Variants in ARHGEF18 observed in about 807,000 individuals in gnomAD.
ARHGEF18 encodes Rho/Rac guanine nucleotide exchange factor 18, also known as rho guanine nucleotide exchange factor 18.
ARHGEF18 carries 93 observed loss-of-function variants against 155.7 expected under a neutral mutation model. The ratio of observed to expected loss-of-function variants is 0.60; its 90% CI spans 0.50 to 0.71. The LOEUF is 0.71. ARHGEF18 is among the 30% of genes least tolerant of loss of function. ARHGEF18 has a pLI of 0.00. For synonymous variants in ARHGEF18, 742 were observed against 753.1 expected (o/e 0.99, Z 0.24); for missense variants, 1,593 against 1,816.1 (o/e 0.88, Z 2.23).
chr19:7,399,324 C>T (rs190988938), intron 10 of ARHGEF18, among the ~76,000 whole-genome samples: 1 of 152,030 alleles, frequency 6.6e-6, no homozygotes, highest in East Asian at 1.9e-4. Context: ...CAGTTGTTCT[C>T]ATTTTTGTGA....
intron 3 of ARHGEF18, among the ~76,000 whole-genome samples, chr19:7,375,410 GAAAA>G (rs1970411279): frequency 1.0e-5 from 1 of 99,870 alleles, no homozygotes; most frequent in Non-Finnish European, 2.4e-5. Flanking sequence ...AAGGAAGGAA[GAAAA>G]GGAAGGAAGA....
chr19:7,424,077 AGTGCAATGGC>A (rs2145690494), intron 10 of ARHGEF18, among the ~76,000 whole-genome samples: 1 of 33,734 alleles, frequency 3.0e-5, no homozygotes, highest in South Asian at 1.5e-3. Flanking sequence ...CAGGCTGGAC[AGTGCAATGGC>A]GTGATCTCGG....
downstream of ARHGEF18, among the ~76,000 whole-genome samples, chr19:7,473,891 G>C (rs1977146594): frequency 6.6e-6 from 1 of 151,882 alleles, no homozygotes; most frequent in Non-Finnish European, 1.5e-5. Flanking sequence ...GCCAAGGCAG[G>C]AGGATTGCTT....
At chr19:7,466,836 A>AAGAAG (rs1555729791) in intron 23 of ARHGEF18, 82 bp from the exon 24 acceptor site, 16 of 1,094,848 alleles carry the variant, frequency 1.5e-5, no homozygotes, top group Admixed American at 2.4e-5. Flanking sequence ...AGTTAAAAAA[A>AAGAAG]AAGAAGAAGA....
At chr19:7,432,441 C>T (rs1315673406) in intron 10 of ARHGEF18, among the ~76,000 whole-genome samples, 4 of 152,160 alleles carry the variant, frequency 2.6e-5, no homozygotes, top group Admixed American at 6.5e-5. Context: ...GCCTTGAAAC[C>T]GAGGTGCTTG....
chr19:7,381,513 A>G (rs749308148), intron 8 of ARHGEF18, among the ~76,000 whole-genome samples: 5 of 151,960 alleles, frequency 3.3e-5, no homozygotes, highest in Non-Finnish European at 5.9e-5. Context: ...CCCAATCTCT[A>G]CTAAAAATAC....
intron 10 of ARHGEF18, among the ~76,000 whole-genome samples, chr19:7,384,172 T>C (rs1970877957): frequency 6.6e-6 from 1 of 152,144 alleles, no homozygotes; most frequent in South Asian, 2.1e-4. Context: ...CTGTCAACAT[T>C]TGGGGCCAGG....
At chr19:7,439,485 T>A (rs148722453) in intron 10 of ARHGEF18, among the ~76,000 whole-genome samples, 126 of 152,166 alleles carry the variant, frequency 8.3e-4, no homozygotes, top group African/African-American at 2.5e-3. Flanking sequence ...AGTTGCATCT[T>A]TCCATGAGTA....
chr19:7,432,207 C>T lies in ARHGEF18; in HGVS notation c.968-8137C>T, dbSNP rs528654468. 9.2e-5 allele frequency among the ~76,000 whole-genome samples: 14 copies of T among 152,122 alleles called. No homozygotes were observed. The South Asian group carries it at 2.5e-3, about 27-fold the overall frequency. On this transcript the variant is annotated intron_variant, in intron 10 of 28. Coordinates refer to ENST00000668164, the MANE Select transcript of ARHGEF18 (RefSeq NM_001367823.1). ...TCGATTTAGTCTATTCCCAGGTGGC[C>T]GAAAAGGCAGGAACTGTGAACTGAA... is the stretch of plus-strand genomic sequence containing the variant.
intron 17 of ARHGEF18, 144 bp from the exon 18 acceptor site, chr19:7,456,183 G>A: frequency 1.3e-6 from 1 of 754,676 alleles, no homozygotes; most frequent in Non-Finnish European, 2.4e-6. Flanking sequence ...GGGGGTGCAG[G>A]CAAGGCAGAA....
chr19:7,411,927 T>G (rs1213296176), intron 10 of ARHGEF18, among the ~76,000 whole-genome samples: 1 of 152,196 alleles, frequency 6.6e-6, no homozygotes, highest in African/African-American at 2.4e-5. Flanking sequence ...GTGTCAGAAC[T>G]TCCTTCTTAA....
At chr19:7,451,125 A>C (rs74535276) in intron 15 of ARHGEF18, 24 bp from the exon 16 acceptor site, 18 of 1,452,570 alleles carry the variant, frequency 1.2e-5, no homozygotes, top group Non-Finnish European at 1.6e-5. Context: ...ATGTTAATAC[A>C]GGATCTTGCT....
intron 10 of ARHGEF18, among the ~76,000 whole-genome samples, chr19:7,405,422 G>A (rs1972252211): frequency 6.6e-6 from 1 of 152,098 alleles, no homozygotes; most frequent in Non-Finnish European, 1.5e-5. Context: ...ACCAGTCATA[G>A]GCTCTAGGGC....
intron 20 of ARHGEF18, among the ~76,000 whole-genome samples, chr19:7,460,390 C>A (rs1004567188): frequency 6.6e-6 from 1 of 152,162 alleles, no homozygotes; most frequent in Non-Finnish European, 1.5e-5. Flanking sequence ...TGTTTAATTA[C>A]ACGATTGAGA....
At chr19:7,473,596 G>C (rs923000607), downstream of ARHGEF18, among the ~76,000 whole-genome samples, 1 of 152,100 alleles carries the variant, frequency 6.6e-6, no homozygotes, top group African/African-American at 2.4e-5. Context: ...CAGATTACGA[G>C]GTCAGGAGAT....
chr19:7,416,605 G>GTTTTT (rs71179109), intron 10 of ARHGEF18, among the ~76,000 whole-genome samples: 4 of 90,452 alleles, frequency 4.4e-5, no homozygotes, highest in Non-Finnish European at 8.5e-5. Flanking sequence ...TTTTATTTGG[G>GTTTTT]TTTTTTTTTT....
chr19:7,461,083 G>A (rs1032490373), intron 20 of ARHGEF18, among the ~76,000 whole-genome samples: 2 of 150,372 alleles, frequency 1.3e-5, no homozygotes, highest in South Asian at 2.2e-4. Context: ...CACCGCTCCC[G>A]GCCCTGTATT....
In ARHGEF18 at chr19:7,440,050, A is replaced by ACGGCG. The variant is rs1182755746; in HGVS notation, c.968-292_968-288dup. 2.6e-6 allele frequency: 4 copies of ACGGCG among 1,550,424 alleles called. No homozygotes were observed. The highest frequency in any genetic ancestry group is 2.6e-6 in the Non-Finnish European group (3 of 1,146,750). On this transcript the variant is annotated intron_variant, in intron 10 of 28. Transcript: ENST00000668164. The surrounding 1 kb of genome is among the most constrained non-coding windows in gnomAD (Gnocchi z 5.4). ...AGAAGGATCCCACCGAGGCATAAAAACGGCGCAGCCCAGCCTGGCGCCGCG... is the reference window on the plus strand; with the variant it reads ...AGAAGGATCCCACCGAGGCATAAAAACGGCGCGGCGCAGCCCAGCCTGGCGCCGCG...
chr19:7,403,999 C>T (rs1335359093), intron 10 of ARHGEF18, among the ~76,000 whole-genome samples: 1 of 150,354 alleles, frequency 6.7e-6, no homozygotes, highest in Non-Finnish European at 1.5e-5. Flanking sequence ...CGGGAGGCGG[C>T]GGAGGTTGTA....
Sources: allele counts gnomAD v4.1 joint callset (sites outside exome capture counted in the v4.1 genomes callset), GRCh38; gene constraint gnomAD v4.1.1; non-coding constraint Gnocchi (gnomAD v3.1); transcripts MANE v1.5; gene names NCBI Gene and HGNC (gene_info 2026-07-23, HGNC 2026-07-21).